The following STXBP4 variants were observed in gnomAD, a reference collection of about 807,000 sequenced individuals.
STXBP4 encodes the protein syntaxin-binding protein 4.
A neutral mutation model predicts 76.1 loss-of-function variants in STXBP4; 55 were observed. That is an observed-to-expected ratio of 0.72 (90% CI 0.58 to 0.91). The LOEUF (loss-of-function observed/expected upper bound fraction) is 0.91. STXBP4 is among the 40% of genes least tolerant of loss of function. The pLI is 0.00. For synonymous variants in STXBP4, 201 were observed against 220.2 expected (o/e 0.91, Z 0.77); for missense variants, 618 against 636.9 (o/e 0.97, Z 0.32).
At chr17:55,102,598 T>C (rs2079580597) in intron 16 of STXBP4, among the ~76,000 whole-genome samples, 1 of 152,230 alleles carries the variant, frequency 6.6e-6, no homozygotes, top group South Asian at 2.1e-4. Context: ...TGTGTATATG[T>C]GTCTTTATAG....
intron 17 of STXBP4, among the ~76,000 whole-genome samples, chr17:55,154,982 C>T (rs2080260732): frequency 6.6e-6 from 1 of 152,014 alleles, no homozygotes; most frequent in South Asian, 2.1e-4. Context: ...TGAGATCCTG[C>T]TAATATTTGA....
At chr17:55,064,411 T>C (rs755015951) in intron 12 of STXBP4, among the ~76,000 whole-genome samples, 4 of 152,190 alleles carry the variant, frequency 2.6e-5, no homozygotes, top group African/African-American at 9.7e-5. Context: ...CTTTCACTAC[T>C]GTAATTATAA....
intron 16 of STXBP4, among the ~76,000 whole-genome samples, chr17:55,087,950 C>A (rs1211025822): frequency 2.6e-5 from 4 of 152,060 alleles, no homozygotes; most frequent in Non-Finnish European, 5.9e-5. Flanking sequence ...TTCCCATGAG[C>A]ATTTTATAGT....
At chr17:54,975,724 A>C (rs1158237664) in intron 1 of STXBP4, among the ~76,000 whole-genome samples, 1 of 152,208 alleles carries the variant, frequency 6.6e-6, no homozygotes, top group Non-Finnish European at 1.5e-5. Context: ...TAGGAAATCC[A>C]GACCCTGCCT....
At chr17:55,032,931 T>A (rs534154886) in intron 9 of STXBP4, among the ~76,000 whole-genome samples, 2 of 152,246 alleles carry the variant, frequency 1.3e-5, no homozygotes, top group South Asian at 4.1e-4. Context: ...ACCAACTTTT[T>A]TAGTGCCCGA....
chr17:55,142,660 G>A (rs1426236751), intron 17 of STXBP4, among the ~76,000 whole-genome samples: 1 of 152,058 alleles, frequency 6.6e-6, no homozygotes, highest in Non-Finnish European at 1.5e-5. Flanking sequence ...ACAATCATAT[G>A]ACCATTAAAA....
At chr17:55,197,259 A>G in the STXBP4 span, among the ~76,000 whole-genome samples, 1 of 152,238 alleles carries the variant, frequency 6.6e-6, no homozygotes, top group African/African-American at 2.4e-5. Context: ...CTTAGAGGGA[A>G]CACTCCAAAG....
chr17:55,180,653 AGGCTGGT>A, the STXBP4 span, among the ~76,000 whole-genome samples: 1 of 152,346 alleles, frequency 6.6e-6, no homozygotes, highest in Admixed American at 6.5e-5. Context: ...CAGAATTGAA[AGGCTGGT>A]TTCTGAACTC....
At chr17:55,196,206 A>G in the STXBP4 span, among the ~76,000 whole-genome samples, 1 of 152,140 alleles carries the variant, frequency 6.6e-6, no homozygotes, top group Non-Finnish European at 1.5e-5. Flanking sequence ...CAGATGTTAC[A>G]TGATTCATCT....
At chr17:55,187,420 CT>C in the STXBP4 span, among the ~76,000 whole-genome samples, 1 of 150,784 alleles carries the variant, frequency 6.6e-6, no homozygotes, top group Non-Finnish European at 1.5e-5. Context: ...TGCTGTGCTG[CT>C]TATGATTTAA....
intron 4 of STXBP4, among the ~76,000 whole-genome samples, chr17:54,996,498 G>A (rs1035828937): frequency 2.0e-5 from 3 of 152,006 alleles, no homozygotes; most frequent in Admixed American, 6.6e-5. Context: ...TTTGCTATCA[G>A]TATGAAAATT....
chr17:55,146,986 T>A (rs1287918424), intron 17 of STXBP4, among the ~76,000 whole-genome samples: 1 of 152,198 alleles, frequency 6.6e-6, no homozygotes, highest in African/African-American at 2.4e-5. Context: ...TGGTTCAGTG[T>A]AAGAGGCGCC....
At chr17:54,969,323 A>AT (rs1309303305) in intron 1 of STXBP4, among the ~76,000 whole-genome samples, 1 of 152,220 alleles carries the variant, frequency 6.6e-6, no homozygotes, top group Non-Finnish European at 1.5e-5. Flanking sequence ...GGAGGATGTA[A>AT]TAGCTTTCTT....
Position 55,160,176 on chromosome 17 carries a change from A to G in STXBP4, c.*265A>G, listed in dbSNP as rs2080325094. ...CATATAATTAGACTTTATAATATAT[A>G]TACTTTTTCATATATAATTAGATCT... On this transcript the variant is annotated 3_prime_UTR_variant, in exon 18 of 18. Transcript: ENST00000376352. 9.5e-6 allele frequency: 2 copies of G among 211,258 alleles called. No individual in the cohort carries two copies. The highest frequency in any genetic ancestry group is 1.8e-4 in the South Asian group (1 of 5,712). 13.1% of individuals were successfully genotyped at this position (211,258 alleles called of 1,614,324 possible). A position where few individuals can be genotyped will look rare whatever the true frequency, so the allele number is the denominator to read the frequency against.
intron 15 of STXBP4, among the ~76,000 whole-genome samples, chr17:55,079,005 C>T (rs1489884009): frequency 6.6e-6 from 1 of 152,096 alleles, no homozygotes; most frequent in Non-Finnish European, 1.5e-5. Flanking sequence ...ATCAAAAATT[C>T]TATAAAGATG....
At chr17:55,013,186 G>C (rs185174038) in intron 8 of STXBP4, among the ~76,000 whole-genome samples, 1 of 152,188 alleles carries the variant, frequency 6.6e-6, no homozygotes, top group African/African-American at 2.4e-5. Flanking sequence ...CCTTACTCAG[G>C]TATGCCATGG....
At chr17:55,018,207 G>A (rs181154080) in intron 8 of STXBP4, among the ~76,000 whole-genome samples, 6 of 152,262 alleles carry the variant, frequency 3.9e-5, no homozygotes, top group Admixed American at 1.3e-4. Flanking sequence ...TATTGAGCTC[G>A]ATTAGGACGC....
intron 16 of STXBP4, among the ~76,000 whole-genome samples, chr17:55,118,942 TTATA>T (rs35478073): frequency 6.8e-6 from 1 of 147,262 alleles, no homozygotes; most frequent in Non-Finnish European, 1.5e-5. Context: ...ATTAACTGAT[TTATA>T]TATATATATA....
At chr17:55,210,784 G>A in the STXBP4 span, among the ~76,000 whole-genome samples, 1 of 152,072 alleles carries the variant, frequency 6.6e-6, no homozygotes, top group Non-Finnish European at 1.5e-5. Flanking sequence ...ATAAATATGG[G>A]CCCTGCTCTT....
Sources: allele counts gnomAD v4.1 joint callset (sites outside exome capture counted in the v4.1 genomes callset), GRCh38; gene constraint gnomAD v4.1.1; transcripts MANE v1.5; gene names NCBI Gene and HGNC (gene_info 2026-07-23, HGNC 2026-07-21).